Variants in IL1RAPL2 observed in about 807,000 individuals in gnomAD.
IL1RAPL2 encodes interleukin 1 receptor accessory protein like 2.
IL1RAPL2 carries 3 observed loss-of-function variants against 44.1 expected under a neutral mutation model. That is an observed-to-expected ratio of 0.07 (90% CI 0.03 to 0.18). IL1RAPL2 has a LOEUF of 0.18. IL1RAPL2 is among the 10% of genes least tolerant of loss of function. The pLI is 1.00. For synonymous variants in IL1RAPL2, 181 were observed against 178.8 expected (o/e 1.01, Z -0.10); for missense variants, 391 against 496.4 (o/e 0.79, Z 2.02).
chrX:104,570,857 G>T (rs1204722525), intron 1 of IL1RAPL2, among the ~76,000 whole-genome samples: 1 of 111,498 alleles, frequency 9.0e-6, no homozygotes, highest in Non-Finnish European at 1.9e-5. Flanking sequence ...CTTTTTAGCT[G>T]GTTTGCTTTA....
At chrX:105,567,160 A>G (rs1238615005) in intron 6 of IL1RAPL2, among the ~76,000 whole-genome samples, 2 of 111,717 alleles carry the variant, frequency 1.8e-5, no homozygotes, top group Non-Finnish European at 3.8e-5. Flanking sequence ...TAAGAGCTAG[A>G]ACTTAGAACA....
At chrX:105,447,736 T>G (rs1302006575) in intron 5 of IL1RAPL2, among the ~76,000 whole-genome samples, 2 of 85,312 alleles carry the variant, frequency 2.3e-5, no homozygotes, top group Non-Finnish European at 4.2e-5. Context: ...TAAATGTATA[T>G]AAATATGTTA....
intron 2 of IL1RAPL2, among the ~76,000 whole-genome samples, chrX:105,184,784 GA>G (rs1389367739): frequency 9.1e-6 from 1 of 109,514 alleles, no homozygotes; most frequent in African/African-American, 3.3e-5. Context: ...ACCTAAATTT[GA>G]AAAAAAATGT....
rs1407216817 is a variant in IL1RAPL2 at position 105,523,979 on chromosome X, A to G, written c.772+39592A>G. On this transcript the variant is annotated intron_variant, in intron 6 of 10. Transcript: ENST00000372582. ...AGTGCAGTTATGTTGTAATTTAATG[A>G]CAGCTCATCTCAGGTTTGAATCTTA... Among the ~76,000 whole-genome samples the G allele has an allele frequency of 2.7e-5, 3 of 111,647 alleles. No homozygotes were observed. The East Asian group carries it at 8.4e-4, about 31-fold the overall frequency.
chrX:105,362,523 C>T (rs1028038732), intron 5 of IL1RAPL2, among the ~76,000 whole-genome samples: 31 of 110,391 alleles, frequency 2.8e-4, no homozygotes, highest in East Asian at 8.5e-4. Flanking sequence ...ACTCCACGCC[C>T]GCCCCCCAAA....
intron 5 of IL1RAPL2, among the ~76,000 whole-genome samples, chrX:105,318,695 G>A (rs1236926888): frequency 9.0e-6 from 1 of 110,849 alleles, no homozygotes; most frequent in East Asian, 2.9e-4. Flanking sequence ...CTATGTAGAA[G>A]GCCTTGAATG....
intron 5 of IL1RAPL2, among the ~76,000 whole-genome samples, chrX:105,476,106 G>A (rs2036196143): frequency 1.8e-5 from 2 of 112,700 alleles, no homozygotes; most frequent in South Asian, 7.1e-4. Context: ...CACTTTCCCA[G>A]CAGTTTAACC....
chrX:104,728,046 C>G (rs945943007), intron 2 of IL1RAPL2, among the ~76,000 whole-genome samples: 12 of 110,342 alleles, frequency 1.1e-4, no homozygotes, highest in South Asian at 3.8e-4. Flanking sequence ...CCTGACTTCA[C>G]CACTACATAG....
intron 6 of IL1RAPL2, among the ~76,000 whole-genome samples, chrX:105,504,701 T>C (rs12115987): frequency 0.22 from 23,940 of 111,048 alleles, 6,320 homozygotes; most frequent in African/African-American, 0.75. Context: ...ATAAGTAGTT[T>C]GGGAAGTAGA....
In IL1RAPL2 at chrX:105,450,907, AGTGT is replaced by A. The variant is rs747929543; in HGVS notation, c.698-33374_698-33371del. Among the ~76,000 whole-genome samples, 709 of 94,093 alleles carry A rather than the reference AGTGT, an allele frequency of 7.5e-3. 5 individuals are homozygous for A. Among genetic ancestry groups the A allele is most frequent in the African/African-American group, 0.023 (598 of 26,045 alleles). 81.7% of individuals were successfully genotyped at this position (94,093 alleles called of 115,157 possible). A position where few individuals can be genotyped will look rare whatever the true frequency, so the allele number is the denominator to read the frequency against. On this transcript the variant is annotated intron_variant, in intron 5 of 10. Transcript: ENST00000372582. Reference sequence around the variant, plus strand: ...AGACCACAACTCAGTCTTAGGTCCGAGTGTGTGTGTGTGTGTGTGTGTGTGTGTG... The same window carrying A: ...AGACCACAACTCAGTCTTAGGTCCGAGTGTGTGTGTGTGTGTGTGTGTGTG...
At chrX:105,570,551 T>C (rs1296765438) in intron 6 of IL1RAPL2, among the ~76,000 whole-genome samples, 1 of 112,000 alleles carries the variant, frequency 8.9e-6, no homozygotes, top group Non-Finnish European at 1.9e-5. Context: ...TTTTCTAGTT[T>C]ACATTCCCAC....
At chrX:105,330,393 G>A (rs757535034) in intron 5 of IL1RAPL2, among the ~76,000 whole-genome samples, 1 of 111,173 alleles carries the variant, frequency 9.0e-6, no homozygotes, top group Non-Finnish European at 1.9e-5. Context: ...CAGCAGTGAT[G>A]AAGGTGGGAA....
At chrX:104,770,834 C>T (rs1420015973) in intron 2 of IL1RAPL2, among the ~76,000 whole-genome samples, 1 of 111,774 alleles carries the variant, frequency 8.9e-6, no homozygotes, top group Non-Finnish European at 1.9e-5. Context: ...ATTATTTCAT[C>T]ACCCAAGTAT....
At chrX:104,753,013 C>A (rs930234682) in intron 2 of IL1RAPL2, among the ~76,000 whole-genome samples, 6 of 110,362 alleles carry the variant, frequency 5.4e-5, no homozygotes, top group Non-Finnish European at 1.1e-4. Context: ...ATACATTCAT[C>A]CTAGATGCTT....
chrX:105,548,461 G>T (rs1216195202), intron 6 of IL1RAPL2, among the ~76,000 whole-genome samples: 1 of 111,574 alleles, frequency 9.0e-6, no homozygotes, highest in African/African-American at 3.3e-5. Flanking sequence ...GAGGTGGAAA[G>T]AACTTTATTT....
chrX:104,852,454 C>T (rs758281419), intron 2 of IL1RAPL2, among the ~76,000 whole-genome samples: 6 of 111,891 alleles, frequency 5.4e-5, no homozygotes, highest in Admixed American at 9.5e-5. Context: ...TAATAGTTCT[C>T]ATTATCAGAT....
chrX:104,787,179 T>C (rs558547397), intron 2 of IL1RAPL2, among the ~76,000 whole-genome samples: 1 of 111,211 alleles, frequency 9.0e-6, no homozygotes, highest in South Asian at 3.9e-4. Flanking sequence ...CTTTCTAGTA[T>C]GGAGATAGAC....
rs1396096184 is a variant in IL1RAPL2 at position 105,446,200 on chromosome X, G to A, written c.698-38113G>A. ...TTAAAATCTATTTTGTCTGATATTGGTGTAGCTATTCCTACTCTTTTCTGG... is the reference window on the plus strand; with the variant it reads ...TTAAAATCTATTTTGTCTGATATTGATGTAGCTATTCCTACTCTTTTCTGG... On this transcript the variant is annotated intron_variant, in intron 5 of 10. Transcript: ENST00000372582. Among the ~76,000 whole-genome samples, 3 of 110,864 alleles carry A rather than the reference G, an allele frequency of 2.7e-5. No individual in the cohort carries two copies. The East Asian group carries it at 8.5e-4, about 31-fold the overall frequency.
chrX:105,131,301 C>T (rs1360005652), intron 2 of IL1RAPL2, among the ~76,000 whole-genome samples: 1 of 109,910 alleles, frequency 9.1e-6, no homozygotes, highest in African/African-American at 3.3e-5. Context: ...TTTTTATTTT[C>T]TGTAAAAGGC....
Sources: allele counts gnomAD v4.1 joint callset (sites outside exome capture counted in the v4.1 genomes callset), GRCh38; gene constraint gnomAD v4.1.1; transcripts MANE v1.5; gene names NCBI Gene and HGNC (gene_info 2026-07-23, HGNC 2026-07-21).